Variants in SART1 observed in about 807,000 individuals in gnomAD.
SART1 encodes spliceosome associated factor 1, recruiter of U4/U6.U5 tri-snRNP.
In SART1, 28 loss-of-function variants were observed where a neutral mutation model predicts 105.0. The ratio of observed to expected loss-of-function variants is 0.27; its 90% CI spans 0.20 to 0.37. The LOEUF (loss-of-function observed/expected upper bound fraction) is 0.37. Ranked by LOEUF, SART1 falls within the 10% of genes least tolerant of loss-of-function variation. SART1 has a pLI of 1.00. For synonymous variants in SART1, 472 were observed against 462.9 expected, an observed-to-expected ratio of 1.02 and a Z score of -0.25; for missense variants, 894 against 1,106.5, an observed-to-expected ratio of 0.81 and a Z score of 2.72.
rs1470581285 is a variant in SART1, at chr11:65,962,021, C to A, written c.241C>A (p.Arg81=). ...EAEARSSTHG[R]ERSQAEPSER... is the part of the protein sequence containing the mutation. ...TGAGGCCCGGAGCAGCACGCACGGGCGGGAGCGCAGCCAGGCAGAGCCCTC... is the reference window on the plus strand; with the variant it reads ...TGAGGCCCGGAGCAGCACGCACGGGAGGGAGCGCAGCCAGGCAGAGCCCTC... The change falls in exon 1 of 20, where the codon CGG becomes AGG. Residue 81 remains arginine (R), a synonymous_variant. Coordinates refer to ENST00000312397, the MANE Select transcript of SART1 (RefSeq NM_005146.5). The A allele has an allele frequency of 2.0e-6, 3 of 1,509,268 alleles. No individual in the cohort carries two copies. The highest frequency in any genetic ancestry group is 1.2e-5 in the South Asian group (1 of 81,210). 93.5% of individuals were successfully genotyped at this position (1,509,268 alleles called of 1,614,324 possible).
intron 12 of SART1, among the ~76,000 whole-genome samples, chr11:65,973,059 A>T (rs1228717611): frequency 2.6e-5 from 4 of 152,258 alleles, no homozygotes; most frequent in South Asian, 2.1e-4. Flanking sequence ...CTGTAGTCCC[A>T]GCTACTAGGG....
intron 12 of SART1, among the ~76,000 whole-genome samples, chr11:65,968,546 C>T (rs963411168): frequency 1.3e-5 from 2 of 151,988 alleles, no homozygotes; most frequent in Non-Finnish European, 2.9e-5. Flanking sequence ...GATAACGTGC[C>T]GGGGGTTGGG....
intron 12 of SART1, among the ~76,000 whole-genome samples, chr11:65,975,518 C>CA (rs1229697151): frequency 6.6e-6 from 1 of 151,388 alleles, no homozygotes; most frequent in Non-Finnish European, 1.5e-5. Context: ...GCAGTACTCC[C>CA]ACCTCAGCCT....
rs757154227 is a variant in SART1 at position 65,977,801 on chromosome 11, C to G, written c.2074C>G (p.Arg692Gly). The G allele has an allele frequency of 6.2e-7, 1 of 1,613,894 alleles. No homozygotes were observed. Among genetic ancestry groups the G allele is most frequent in the South Asian group, 1.1e-5 (1 of 91,080 alleles). The change falls in exon 17 of 20, where the codon CGA becomes GGA. Residue 692 changes from arginine (R) to glycine (G), a missense_variant. By Grantham distance (125) the Arg-to-Gly change is moderately radical. This residue lies in a region of SART1 where 182 missense variants were observed against 328.3 expected (regional missense o/e 0.55). Transcript: ENST00000312397. ...DDKYSRREEY[R>G]GFTQDFKEKD... ...CAAGTACAGCCGGAGGGAGGAATACCGAGGCTTCACACAGGACTTCAAGGA... is the reference window on the plus strand; with the variant it reads ...CAAGTACAGCCGGAGGGAGGAATACGGAGGCTTCACACAGGACTTCAAGGA...
chr11:65,963,682 A>T (rs1422543028), intron 1 of SART1, among the ~76,000 whole-genome samples: 1 of 152,098 alleles, frequency 6.6e-6, no homozygotes, highest in African/African-American at 2.4e-5. Context: ...GGGTTTCACC[A>T]TCTTGGCCAG....
At position 65,964,100 on chromosome 11, in the gene SART1, G is replaced by A. The variant is rs2134902322; in HGVS notation, c.340G>A (p.Asp114Asn). Residue 114 changes from aspartate to asparagine, a missense_variant, in exon 2 of 20, where the codon GAT becomes AAT. Physicochemically the swap from Asp to Asn is conservative, Grantham distance 23. Around this residue, in one of 2 missense-constraint regions of SART1, gnomAD observed 712 missense variants for 778.2 expected, o/e 0.91. Transcript: ENST00000312397. ...AAASSKTSSG[D>N]ASSLSIEETN... ...TGCCAGCTCCAAAACTAGCTCAGGC[G>A]ATGCCTCCTCACTCAGCATCGAGGA... The A allele has an allele frequency of 3.1e-6, 5 of 1,612,956 alleles. No individual in the cohort carries two copies. Among genetic ancestry groups the A allele is most frequent in the Non-Finnish European group, 4.2e-6 (5 of 1,180,004 alleles).
intron 2 of SART1, 33 bp from the exon 3 acceptor site, chr11:65,964,482 A>C (rs1490920895): frequency 1.2e-6 from 2 of 1,612,684 alleles, no homozygotes; most frequent in Non-Finnish European, 1.7e-6. Flanking sequence ...TGTGTCTTTA[A>C]TAGCCCCTAA....
rs1565318363 is a variant in SART1, at chr11:65,977,001, ACGTGTCC to A, written c.1858-9_1858-3del. 1 of 1,611,270 alleles carries A rather than the reference ACGTGTCC, an allele frequency of 6.2e-7. No homozygotes were observed. Among genetic ancestry groups the A allele is most frequent in the Non-Finnish European group, 8.5e-7 (1 of 1,177,470 alleles). On this transcript the variant is annotated splice_polypyrimidine_tract_variant and splice_region_variant and intron_variant, in intron 14 of 19. Coordinates refer to ENST00000312397, the MANE Select transcript of SART1 (RefSeq NM_005146.5). ...GTATGGCCTGCTAACCACCCCCGCC[ACGTGTCC>A]CGTAGTTCTCTGCTTCCTCCACCAC... is the stretch of plus-strand genomic sequence containing the variant.
chr11:65,965,993 C>T lies in SART1; in HGVS notation c.838+7C>T, dbSNP rs371023991. 31 of 1,614,064 alleles carry T rather than the reference C, an allele frequency of 1.9e-5. No individual in the cohort carries two copies. Among genetic ancestry groups the T allele is most frequent in the African/African-American group, 1.7e-4 (13 of 75,052 alleles). On this transcript the variant is annotated splice_region_variant and intron_variant, in intron 7 of 19. Coordinates refer to ENST00000312397, the MANE Select transcript of SART1 (RefSeq NM_005146.5). ...CTTACCCTCAAGGACAAAGGTAATG[C>T]GAGCTGGGTGCCCTGGGTGGGGGCA...
chr11:65,973,135 C>T (rs1855415138), intron 12 of SART1, among the ~76,000 whole-genome samples: 1 of 151,528 alleles, frequency 6.6e-6, no homozygotes. Context: ...GATCGCACCA[C>T]TGCACTCCAG....
intron 10 of SART1, 33 bp from the exon 11 acceptor site, chr11:65,967,438 C>A: frequency 6.2e-7 from 1 of 1,613,634 alleles, no homozygotes; most frequent in South Asian, 1.1e-5. Flanking sequence ...GGCCTGGGGA[C>A]CGGTGCTCAC....
Position 65,977,970 on chromosome 11 carries a change from C to A in SART1, c.2172+71C>A, listed in dbSNP as rs1483028135. The A allele has an allele frequency of 5.3e-6, 8 of 1,519,484 alleles. No individual in the cohort carries two copies. In the South Asian group the frequency reaches 7.1e-5, roughly 14 times the overall value. The allele number at this position is 1,519,484 out of a possible 1,614,324, so 94.1% of individuals were successfully genotyped here. On this transcript the variant is annotated intron_variant, in intron 17 of 19. Coordinates refer to ENST00000312397, the MANE Select transcript of SART1 (RefSeq NM_005146.5). ...GGCCAAGCCCAGGGCCATGCAATGC[C>A]CCGGGCCATGCAATGCCCCAGGGTC...
chr11:65,965,851 G>A, intron 6 of SART1, 36 bp from the exon 7 acceptor site: 1 of 1,613,572 alleles, frequency 6.2e-7, no homozygotes, highest in Non-Finnish European at 8.5e-7. Context: ...TTGGGTGCGT[G>A]GAGGGAGGTT....
At chr11:65,966,274 GGGCTCTGAGGAGGT>G in intron 8 of SART1, 56 bp downstream of exon 8, 1 of 1,613,778 alleles carries the variant, frequency 6.2e-7, no homozygotes, top group Non-Finnish European at 8.5e-7. Context: ...TCGGGAATGG[GGGCTCTGAGGAGGT>G]GGTGGCTCAG....
chr11:65,977,221 G>C (rs1855501333), intron 15 of SART1, 120 bp downstream of exon 15: 3 of 723,974 alleles, frequency 4.1e-6, no homozygotes, highest in East Asian at 2.7e-5. Flanking sequence ...GGAGCCAGCT[G>C]TCCGGCCCAG....
intron 3 of SART1, among the ~76,000 whole-genome samples, chr11:65,964,805 A>C (rs1235921751): frequency 1.3e-5 from 2 of 152,152 alleles, no homozygotes; most frequent in Non-Finnish European, 2.9e-5. Context: ...TGTTAGATGG[A>C]CTGGAAGATG....
rs200247501 is a variant in SART1, at chr11:65,962,042, C to G, written c.262C>G (p.Pro88Ala). 6.0e-3 allele frequency: 8,929 copies of G among 1,500,632 alleles called. 42 individuals carry two copies. The highest frequency in any genetic ancestry group is 0.016 in the South Asian group (1,318 of 80,368). The allele number at this position is 1,500,632 out of a possible 1,614,324, so 93.0% of individuals were successfully genotyped here. ...THGRERSQAEPSERRVKREKR... is the reference protein window; with the variant it reads ...THGRERSQAEASERRVKREKR... ...CGGGCGGGAGCGCAGCCAGGCAGAG[C>G]CCTCCGAGCGGCGCGTGAAGCGGGA... The change falls in exon 1 of 20, where the codon CCC (proline) becomes GCC (alanine). Residue 88 changes from proline (P) to alanine (A), a missense_variant. Around this residue, in one of 2 missense-constraint regions of SART1, gnomAD observed 712 missense variants for 778.2 expected, o/e 0.91. Coordinates refer to ENST00000312397, the MANE Select transcript of SART1 (RefSeq NM_005146.5).
Position 65,976,427 on chromosome 11 carries a change from C to T in SART1, c.1605C>T (p.Arg535=). 6.4e-7 allele frequency: 1 copy of T among 1,561,354 alleles called. No homozygotes were observed. Among genetic ancestry groups the T allele is most frequent in the South Asian group, 1.2e-5 (1 of 81,252 alleles). The change falls in exon 13 of 20, where the codon CGC becomes CGT. Residue 535 remains arginine (R), a synonymous_variant. Transcript: ENST00000312397. The surrounding 1 kb of genome is among the most constrained non-coding windows in gnomAD (Gnocchi z 5.1). ...VVEIVKKLES[R]QRGWEEDEDP... ...AGATTGTGAAGAAGCTGGAGTCTCG[C>T]CAGCGGGGCTGGGAGGAGGATGAGG...
rs575666487 is a variant in SART1, at chr11:65,962,076, A to T, written c.296A>T (p.Asp99Val). 2.5e-6 allele frequency: 3 copies of T among 1,217,868 alleles called. No individual in the cohort carries two copies. 75.4% of individuals were successfully genotyped at this position (1,217,868 alleles called of 1,614,324 possible). ...CGGCGCGTGAAGCGGGAGAAGCGCG[A>T]TGACGGCTACGAGGCCGGTGAGGAG... Reference protein sequence around the residue: ...SERRVKREKRDDGYEAAASSK... With the variant: ...SERRVKREKRVDGYEAAASSK... The change falls in exon 1 of 20, where the codon GAT (aspartate) becomes GTT (valine). Residue 99 changes from aspartate (D) to valine (V), a missense_variant. Asp to Val is a radical substitution (Grantham distance 152, BLOSUM62 -3). Around this residue, in one of 2 missense-constraint regions of SART1, gnomAD observed 712 missense variants for 778.2 expected, o/e 0.91. Transcript: ENST00000312397.
Sources: allele counts gnomAD v4.1 joint callset (sites outside exome capture counted in the v4.1 genomes callset), GRCh38; gene constraint gnomAD v4.1.1; regional missense constraint gnomAD v4.1.1; non-coding constraint Gnocchi (gnomAD v3.1); transcripts MANE v1.5; gene names NCBI Gene and HGNC (gene_info 2026-07-23, HGNC 2026-07-21).